The following PITPNC1 variants were observed in gnomAD, a reference collection of about 807,000 sequenced individuals.
The protein encoded by PITPNC1 is phosphatidylinositol transfer protein cytoplasmic 1, also known as cytoplasmic phosphatidylinositol transfer protein 1.
PITPNC1 carries 18 observed loss-of-function variants against 44.7 expected under a neutral mutation model. That is an observed-to-expected ratio of 0.40 (90% confidence interval 0.28 to 0.60). The LOEUF is 0.60. PITPNC1 is among the 20% of genes least tolerant of loss of function. The probability of loss-of-function intolerance (pLI) is 0.39; values close to 1 mark genes in which losing one functional copy is unlikely to be tolerated. For synonymous variants in PITPNC1, 141 were observed against 149.6 expected, an observed-to-expected ratio of 0.94 and a Z score of 0.42; for missense variants, 290 against 418.4, an observed-to-expected ratio of 0.69 and a Z score of 2.68.
intron 1 of PITPNC1, among the ~76,000 whole-genome samples, chr17:67,394,023 A>G (rs2038177446): frequency 6.6e-6 from 1 of 152,174 alleles, no homozygotes. Context: ...TATTTTTCAC[A>G]GAGATGGGGC....
At chr17:67,399,429 A>G (rs1168632123) in intron 1 of PITPNC1, among the ~76,000 whole-genome samples, 2 of 152,132 alleles carry the variant, frequency 1.3e-5, no homozygotes, top group Non-Finnish European at 2.9e-5. Context: ...CCACTACTGC[A>G]CTGTGCATTC....
At chr17:67,522,825 G>A (rs753019615) in intron 1 of PITPNC1, among the ~76,000 whole-genome samples, 1 of 151,736 alleles carries the variant, frequency 6.6e-6, no homozygotes, top group Non-Finnish European at 1.5e-5. Flanking sequence ...ACCATGCCCA[G>A]CTGAGTTTTT....
chr17:67,540,451 TGTTA>T (rs1369846847), intron 2 of PITPNC1, among the ~76,000 whole-genome samples: 1 of 152,172 alleles, frequency 6.6e-6, no homozygotes, highest in Non-Finnish European at 1.5e-5. Context: ...TATGGGGAAA[TGTTA>T]GTTTGTTAAA....
rs577341625 is a variant in PITPNC1, at chr17:67,473,207, T to C, written c.49-59595T>C. On this transcript the variant is annotated intron_variant, in intron 1 of 8. Transcript: ENST00000581322. ...TGTATTTTTATTATTTTAAAAGTTA[T>C]TCTTATTTTTAGAGATAGAGTCTCA... Among the ~76,000 whole-genome samples, 28 of 151,654 alleles carry C rather than the reference T, an allele frequency of 1.8e-4. No homozygotes were observed. In the South Asian group the frequency reaches 5.6e-3, roughly 30 times the overall value.
intron 5 of PITPNC1, among the ~76,000 whole-genome samples, chr17:67,602,036 A>C (rs537050006): frequency 1.3e-5 from 2 of 152,308 alleles, no homozygotes; most frequent in South Asian, 2.1e-4. Context: ...GAAGCGTCAA[A>C]GGATTGCTTG....
At position 67,454,683 on chromosome 17, in the gene PITPNC1, A is replaced by G. The variant is rs547457982; in HGVS notation, c.48+76481A>G. ...ATATGTTCACTGCAGAAAACTTGGA[A>G]AACACAAAAAAGCACAATAAAACAA... On this transcript the variant is annotated intron_variant, in intron 1 of 8. Transcript: ENST00000581322. Among the ~76,000 whole-genome samples, 12 of 152,306 alleles carry G rather than the reference A, an allele frequency of 7.9e-5. No individual in the cohort carries two copies. In the South Asian group the frequency reaches 2.5e-3, roughly 32 times the overall value.
chr17:67,472,760 TTACCG>T (rs1364169812), intron 1 of PITPNC1, among the ~76,000 whole-genome samples: 1 of 152,168 alleles, frequency 6.6e-6, no homozygotes, highest in Non-Finnish European at 1.5e-5. Flanking sequence ...TTGGACAAGC[TTACCG>T]TCTATTCATT....
chr17:67,390,998 C>A (rs115847250), intron 1 of PITPNC1, among the ~76,000 whole-genome samples: 2,238 of 152,076 alleles, frequency 0.015, 58 homozygotes, highest in African/African-American at 0.051. Flanking sequence ...GAAGTCGACT[C>A]ATGTATCTAA....
rs138812079 is a variant in PITPNC1 at position 67,563,341 on chromosome 17, G to T, written c.294+9724G>T. Among the ~76,000 whole-genome samples, 907 of 152,302 alleles carry T rather than the reference G, an allele frequency of 6.0e-3. 2 individuals carry two copies. The highest frequency in any genetic ancestry group is 0.021 in the African/African-American group (855 of 41,578). ...ACATACTGTTGGAACAAGATGGCAA[G>T]AGAAGAATGCATTGAATTCCAGATA... On this transcript the variant is annotated intron_variant, in intron 4 of 8. Transcript: ENST00000581322.
At chr17:67,578,016 C>G (rs1474412583) in intron 4 of PITPNC1, 170 bp from the exon 5 acceptor site, 3 of 669,074 alleles carry the variant, frequency 4.5e-6, no homozygotes, top group Non-Finnish European at 8.2e-6. Context: ...GTTCATTGTC[C>G]TAAAGGCGGC....
intron 1 of PITPNC1, among the ~76,000 whole-genome samples, chr17:67,489,693 CT>C (rs1187674953): frequency 2.0e-5 from 3 of 152,138 alleles, no homozygotes; most frequent in Non-Finnish European, 4.4e-5. Flanking sequence ...GAACCCGAAC[CT>C]TTTCTCAATC....
intron 4 of PITPNC1, among the ~76,000 whole-genome samples, chr17:67,563,056 T>G (rs745559012): frequency 1.3e-5 from 2 of 152,206 alleles, no homozygotes; most frequent in Non-Finnish European, 2.9e-5. Context: ...AGCCCTAAAC[T>G]CTATGCCTGC....
intron 1 of PITPNC1, among the ~76,000 whole-genome samples, chr17:67,523,883 C>T (rs978959968): frequency 6.9e-6 from 1 of 145,810 alleles, no homozygotes; most frequent in Non-Finnish European, 1.5e-5. Context: ...GCAATCTCTG[C>T]TCACTGCAAC....
intron 5 of PITPNC1, among the ~76,000 whole-genome samples, chr17:67,620,874 G>A (rs2041820369): frequency 6.6e-6 from 1 of 152,144 alleles, no homozygotes; most frequent in Admixed American, 6.6e-5. Flanking sequence ...TCCATTCTAA[G>A]ACCAAGGTCA....
intron 6 of PITPNC1, among the ~76,000 whole-genome samples, chr17:67,634,796 T>G (rs1458224790): frequency 6.6e-6 from 1 of 152,124 alleles, no homozygotes; most frequent in Non-Finnish European, 1.5e-5. Flanking sequence ...CTCACGCCTG[T>G]AATCCCAGCA....
intron 1 of PITPNC1, among the ~76,000 whole-genome samples, chr17:67,430,769 C>T (rs1186242068): frequency 6.6e-6 from 1 of 150,808 alleles, no homozygotes; most frequent in Non-Finnish European, 1.5e-5. Flanking sequence ...GCCTGGGCAA[C>T]ATAGTGAGAC....
chr17:67,604,735 A>G (rs567073738), intron 5 of PITPNC1, among the ~76,000 whole-genome samples: 1 of 152,206 alleles, frequency 6.6e-6, no homozygotes, highest in South Asian at 2.1e-4. Flanking sequence ...GTGTGCTGAG[A>G]ACTTGCCACT....
intron 6 of PITPNC1, among the ~76,000 whole-genome samples, chr17:67,664,165 A>C (rs1244002306): frequency 1.3e-5 from 2 of 152,076 alleles, no homozygotes; most frequent in Admixed American, 1.3e-4. Flanking sequence ...GGGTTTCACC[A>C]TATTGGTCAG....
At chr17:67,648,266 A>G (rs1051953786) in intron 6 of PITPNC1, among the ~76,000 whole-genome samples, 7 of 152,226 alleles carry the variant, frequency 4.6e-5, no homozygotes, top group Non-Finnish European at 1.0e-4. Flanking sequence ...AACTTAAGCT[A>G]TCTCTAGGCC....
Sources: gnomAD v4.1 joint callset for allele counts (sites outside exome capture counted in the v4.1 genomes callset) on GRCh38, gnomAD v4.1.1 for gene constraint, MANE v1.5 for transcripts, NCBI Gene and HGNC (gene_info 2026-07-23, HGNC 2026-07-21) for gene names.